Variants in LRRC37A3 observed in about 807,000 individuals in gnomAD.
LRRC37A3 encodes leucine-rich repeat-containing protein 37A3.
A neutral mutation model predicts 106.2 loss-of-function variants in LRRC37A3; 25 were observed. The ratio of observed to expected loss-of-function variants is 0.24; its 90% CI spans 0.17 to 0.33. The LOEUF is 0.33. LRRC37A3 is among the 10% of genes least tolerant of loss of function. LRRC37A3 has a pLI of 1.00. For synonymous variants in LRRC37A3, 305 were observed against 635.8 expected, an observed-to-expected ratio of 0.48 and a Z score of 7.83; for missense variants, 712 against 1,644.9, an observed-to-expected ratio of 0.43 and a Z score of 9.81.
chr17:64,916,025 C>A (rs2143637787), intron 2 of LRRC37A3, among the ~76,000 whole-genome samples: 1 of 152,266 alleles, frequency 6.6e-6, no homozygotes. Flanking sequence ...CACCTTGAAC[C>A]TGGGGTCGAG....
intron 2 of LRRC37A3, among the ~76,000 whole-genome samples, chr17:64,913,549 G>A (rs1276721434): frequency 1.4e-5 from 2 of 140,158 alleles, no homozygotes; most frequent in East Asian, 2.1e-4. Flanking sequence ...CATGTTGTCC[G>A]GTCTGGACTC....
intron 11 of LRRC37A3, among the ~76,000 whole-genome samples, chr17:64,861,776 T>C (rs1217344084): frequency 1.3e-5 from 2 of 152,154 alleles, no homozygotes; most frequent in African/African-American, 4.8e-5. Context: ...TGTCAGATGC[T>C]TACTTTGCTT....
In LRRC37A3 at chr17:64,854,145, T is replaced by G. The variant is rs1301688797; in HGVS notation, c.*454A>C. Among the ~76,000 whole-genome samples the G allele has an allele frequency of 6.6e-6, 1 of 152,198 alleles. No homozygotes were observed. Among genetic ancestry groups the G allele is most frequent in the African/African-American group, 2.4e-5 (1 of 41,444 alleles). ...GAAAAACACATTTTAAAAAAAGCAA[T>G]GTGAATCTTTTGCCATCTTGTAAGG... On this transcript the variant is annotated 3_prime_UTR_variant, in exon 15 of 15. Transcript: ENST00000584306.
chr17:64,878,124 A>AT (rs1179755602), intron 8 of LRRC37A3, among the ~76,000 whole-genome samples: 2 of 152,188 alleles, frequency 1.3e-5, no homozygotes, highest in East Asian at 1.9e-4. Context: ...TCCAAACTGG[A>AT]TTTTTTTTCT....
chr17:64,893,604 A>G (rs1465312725), intron 4 of LRRC37A3, among the ~76,000 whole-genome samples: 34 of 130,404 alleles, frequency 2.6e-4, no homozygotes, highest in Non-Finnish European at 6.3e-5. Context: ...ACTTAATTAT[A>G]TATACCTCCC....
intron 2 of LRRC37A3, among the ~76,000 whole-genome samples, chr17:64,916,266 G>T (rs886533515): frequency 7.0e-4 from 107 of 152,064 alleles, no homozygotes; most frequent in African/African-American, 2.5e-3. Context: ...TTAGCTGGGC[G>T]TGGTGGCGGG....
chr17:64,903,773 A>T (rs1223051813), intron 2 of LRRC37A3, among the ~76,000 whole-genome samples: 5 of 152,158 alleles, frequency 3.3e-5, no homozygotes, highest in Non-Finnish European at 7.3e-5. Context: ...TCTCAACGTC[A>T]GTTATCAATT....
chr17:64,874,233 A>G (rs573369474), intron 8 of LRRC37A3, among the ~76,000 whole-genome samples: 1 of 152,374 alleles, frequency 6.6e-6, no homozygotes, highest in South Asian at 2.1e-4. Flanking sequence ...CCCTGTCTCT[A>G]CAAAAAATTT....
intron 2 of LRRC37A3, chr17:64,909,897 T>G (rs1202215479): frequency 6.6e-6 from 1 of 152,152 alleles, no homozygotes; most frequent in Non-Finnish European, 1.5e-5. Flanking sequence ...CTTGACTGAA[T>G]GGCACAGACT....
intron 5 of LRRC37A3, among the ~76,000 whole-genome samples, chr17:64,890,797 A>T (rs1973932168): frequency 7.0e-6 from 1 of 142,466 alleles, no homozygotes; most frequent in Admixed American, 6.8e-5. Context: ...GCACCATTGC[A>T]CTCCAGCCTG....
intron 2 of LRRC37A3, among the ~76,000 whole-genome samples, chr17:64,913,318 T>C (rs62071416): frequency 3.1e-5 from 3 of 98,020 alleles, no homozygotes; most frequent in African/African-American, 1.0e-4. Flanking sequence ...CATGAGCCAC[T>C]GCACCTGGCC....
At chr17:64,882,629 G>T (rs557548459) in intron 8 of LRRC37A3, among the ~76,000 whole-genome samples, 1 of 150,428 alleles carries the variant, frequency 6.6e-6, no homozygotes, top group African/African-American at 2.4e-5. Flanking sequence ...TGCATCTACC[G>T]CTATGTAAAG....
intron 8 of LRRC37A3, among the ~76,000 whole-genome samples, chr17:64,880,590 T>C (rs1047449127): frequency 1.3e-5 from 2 of 152,240 alleles, no homozygotes; most frequent in African/African-American, 4.8e-5. Flanking sequence ...GGCAAGCTTT[T>C]TTTCAGCCTC....
chr17:64,866,613 T>TAG (rs1973099194), intron 10 of LRRC37A3, among the ~76,000 whole-genome samples: 1 of 22,454 alleles, frequency 4.5e-5, no homozygotes, highest in Admixed American at 6.0e-4. Flanking sequence ...TATATATATA[T>TAG]ATATATATAT....
intron 13 of LRRC37A3, among the ~76,000 whole-genome samples, chr17:64,856,161 G>A (rs1972672721): frequency 6.6e-6 from 1 of 152,058 alleles, no homozygotes; most frequent in Admixed American, 6.6e-5. Flanking sequence ...TGTAGTATTT[G>A]CTTATAACCA....
chr17:64,912,497 A>G (rs2143628199), intron 2 of LRRC37A3, among the ~76,000 whole-genome samples: 1 of 152,248 alleles, frequency 6.6e-6, no homozygotes, highest in East Asian at 1.9e-4. Context: ...CAGCAAAAAC[A>G]TAGCACAGAT....
At chr17:64,910,075 G>A (rs1974552886) in intron 2 of LRRC37A3, 1 of 152,282 alleles carries the variant, frequency 6.6e-6, no homozygotes, top group South Asian at 2.1e-4. Flanking sequence ...CTGTCTGGAT[G>A]AACCGGTCAA....
intron 9 of LRRC37A3, 31 bp from the exon 10 acceptor site, chr17:64,868,567 T>C: frequency 2.5e-6 from 4 of 1,576,150 alleles, no homozygotes; most frequent in Non-Finnish European, 2.6e-6. Flanking sequence ...ATTCATGATA[T>C]GAGCCCCAAT....
chr17:64,872,557 G>T (rs1973358314), intron 8 of LRRC37A3, among the ~76,000 whole-genome samples: 1 of 152,200 alleles, frequency 6.6e-6, no homozygotes, highest in Admixed American at 6.5e-5. Flanking sequence ...TAGTGCTAAA[G>T]CCTCTCCACA....
Sources: allele counts gnomAD v4.1 joint callset (sites outside exome capture counted in the v4.1 genomes callset), GRCh38; gene constraint gnomAD v4.1.1; transcripts MANE v1.5; gene names NCBI Gene and HGNC (gene_info 2026-07-23, HGNC 2026-07-21).